The following HMCN1 variants were observed in gnomAD, a reference collection of about 807,000 sequenced individuals.
The protein encoded by HMCN1 is hemicentin-1.
Under a neutral mutation model 625.9 loss-of-function variants are expected in HMCN1, and 321 were observed. The observed-to-expected ratio is 0.51, with a 90% CI of 0.47 to 0.56. HMCN1 has a LOEUF of 0.56. Among genes scored for constraint, HMCN1 ranks in the 20% least tolerant of loss-of-function variants. HMCN1 has a pLI of 0.00. For missense variants in HMCN1, 6,588 were observed against 6,887.3 expected, an observed-to-expected ratio of 0.96 and a Z score of 1.54; for synonymous variants, 2,425 against 2,417.6, an observed-to-expected ratio of 1.00 and a Z score of -0.09.
At chr1:185,818,151 C>G (rs1659958646) in intron 1 of HMCN1, among the ~76,000 whole-genome samples, 1 of 152,076 alleles carries the variant, frequency 6.6e-6, no homozygotes, top group African/African-American at 2.4e-5. Context: ...ATATTTTTTT[C>G]ACTGCAACAT....
chr1:186,183,441 T>C (rs1653073552), intron 105 of HMCN1, among the ~76,000 whole-genome samples: 1 of 152,318 alleles, frequency 6.6e-6, no homozygotes, highest in East Asian at 1.9e-4. Context: ...AAACATGAAG[T>C]TGAGTAATAA....
chr1:186,123,895 G>T (rs988312223), intron 81 of HMCN1, among the ~76,000 whole-genome samples: 5 of 152,010 alleles, frequency 3.3e-5, no homozygotes, highest in Admixed American at 3.3e-4. Context: ...ATTTGTGAAA[G>T]CTGTTTTATT....
At chr1:185,844,642 T>C (rs2102315688) in intron 1 of HMCN1, among the ~76,000 whole-genome samples, 1 of 152,314 alleles carries the variant, frequency 6.6e-6, no homozygotes, top group South Asian at 2.1e-4. Context: ...TAGTTTCGAA[T>C]GAGTCTATAT....
At chr1:186,106,354 C>CT (rs1660606558) in intron 69 of HMCN1, among the ~76,000 whole-genome samples, 1 of 152,128 alleles carries the variant, frequency 6.6e-6, no homozygotes, top group African/African-American at 2.4e-5. Flanking sequence ...ATAGATCCTG[C>CT]TGTCAGTCTG....
intron 52 of HMCN1, 83 bp downstream of exon 52, chr1:186,070,840 A>G (rs1466246257): frequency 3.8e-6 from 5 of 1,315,360 alleles, no homozygotes; most frequent in East Asian, 2.3e-5. Flanking sequence ...AATAGACACA[A>G]GTGACTCAGA....
At position 186,136,905 on chromosome 1, in the gene HMCN1, C is replaced by T; in HGVS notation, c.13550C>T (p.Ser4517Phe). The change falls in exon 87 of 107, where the codon TCT becomes TTT. Residue 4517 changes from serine (S) to phenylalanine (F), a missense_variant. By Grantham distance (155) the Ser-to-Phe change is radical (BLOSUM62 -2). Transcript: ENST00000271588. ...FECVARNLMG[S>F]VLVRVPVIVQ... ...TGTGTTGCTCGAAACTTAATGGGTT[C>T]TGTCCTTGTCAGAGTGCCAGTCATA... 1 of 1,613,954 alleles carries T rather than the reference C, an allele frequency of 6.2e-7. No individual in the cohort carries two copies. The highest frequency in any genetic ancestry group is 8.5e-7 in the Non-Finnish European group (1 of 1,179,924).
At chr1:185,821,028 A>ATATATGTACATGTAATATATATATATC in intron 1 of HMCN1, among the ~76,000 whole-genome samples, 1 of 151,734 alleles carries the variant, frequency 6.6e-6, no homozygotes, top group Non-Finnish European at 1.5e-5. Context: ...TGTAATATAT[A>ATATATGTACATGTAATATATATATATC]TATATGTACA....
intron 80 of HMCN1, among the ~76,000 whole-genome samples, chr1:186,122,664 C>A (rs189414478): frequency 6.6e-6 from 1 of 152,240 alleles, no homozygotes; most frequent in Admixed American, 6.5e-5. Context: ...TTTGTTGATA[C>A]AGCTTAAATT....
intron 2 of HMCN1, among the ~76,000 whole-genome samples, chr1:185,848,875 C>T (rs986035765): frequency 6.6e-6 from 1 of 152,184 alleles, no homozygotes; most frequent in African/African-American, 2.4e-5. Flanking sequence ...TCTTTTGACA[C>T]CATCTGAGTC....
At position 186,001,304 on chromosome 1, in the gene HMCN1, C is replaced by T. The variant is rs1425406097; in HGVS notation, c.4076C>T (p.Pro1359Leu). 2.5e-6 allele frequency: 4 copies of T among 1,610,752 alleles called. No individual in the cohort carries two copies. Among genetic ancestry groups the T allele is most frequent in the African/African-American group, 1.3e-5 (1 of 74,766 alleles). Reference sequence around the variant, plus strand: ...GACTCCTCTCTTTTTGCAGTTCCTCCAGTAATTAAAGATAAAGAACAAGTT... The same window carrying T: ...GACTCCTCTCTTTTTGCAGTTCCTCTAGTAATTAAAGATAAAGAACAAGTT... Reference protein sequence around the residue: ...RKYNLKVHVPPVIKDKEQVTN... With the variant: ...RKYNLKVHVPLVIKDKEQVTN... The change falls in exon 27 of 107, where the codon CCA becomes CTA. Residue 1359 changes from proline to leucine, a missense_variant. By Grantham distance (98) the Pro-to-Leu change is moderately conservative (BLOSUM62 -3). This residue lies in a region of HMCN1 where 4,628 missense variants were observed against 4,853.1 expected (regional missense o/e 0.95). Coordinates refer to ENST00000271588, the MANE Select transcript of HMCN1 (RefSeq NM_031935.3).
rs1201912121 is a variant in HMCN1, at chr1:186,053,922, C to G, written c.6798C>G (p.Leu2266=). The G allele has an allele frequency of 1.2e-6, 2 of 1,612,726 alleles. No homozygotes were observed. The highest frequency in any genetic ancestry group is 1.1e-5 in the South Asian group (1 of 91,072). The change falls in exon 44 of 107, where the codon CTC becomes CTG. Residue 2266 remains leucine (L), a synonymous_variant. Coordinates refer to ENST00000271588, the MANE Select transcript of HMCN1 (RefSeq NM_031935.3). ...ISIAEKSDAA[L]YSCVASNVAG... is the part of the protein sequence containing the mutation. ...TTGCTGAAAAGTCTGATGCAGCACT[C>G]TATTCATGTGTGGCGTCGAATGTTG...
chr1:185,995,502 A>G (rs1033658075), intron 24 of HMCN1, among the ~76,000 whole-genome samples: 4 of 152,098 alleles, frequency 2.6e-5, no homozygotes, highest in Non-Finnish European at 5.9e-5. Flanking sequence ...TGAAGATTTA[A>G]AGATCAATGT....
In HMCN1 at chr1:186,018,350, A is replaced by C. The variant is rs1167289657; in HGVS notation, c.5468A>C (p.His1823Pro). 1.9e-6 allele frequency: 3 copies of C among 1,612,376 alleles called. No homozygotes were observed. The highest frequency in any genetic ancestry group is 2.5e-6 in the Non-Finnish European group (3 of 1,178,650). ...AAGAAGGAATTTGAAGTGACTGTTCATGGTATGCTGAAGAAGGGACAGGAA... is the reference window on the plus strand; with the variant it reads ...AAGAAGGAATTTGAAGTGACTGTTCCTGGTATGCTGAAGAAGGGACAGGAA... ...DHKKEFEVTV[H>P]VPPTIKSSGL... Residue 1823 changes from histidine (H) to proline (P), a missense_variant and splice_region_variant, in exon 34 of 107, where the codon CAT becomes CCT. This residue lies in a region of HMCN1 where 4,628 missense variants were observed against 4,853.1 expected (regional missense o/e 0.95). Transcript: ENST00000271588.
chr1:186,115,494 C>T lies in HMCN1; in HGVS notation c.11561+80C>T. On this transcript the variant is annotated intron_variant, in intron 75 of 106. Transcript: ENST00000271588. ...AACATTTTAATTCTATCAGTGGGGT[C>T]AGCAAATATATAGACTATAACAAAT... 5 of 1,303,492 alleles carry T rather than the reference C, an allele frequency of 3.8e-6. No individual in the cohort carries two copies. The South Asian group carries it at 6.1e-5, about 16-fold the overall frequency. The allele number at this position is 1,303,492 out of a possible 1,614,324, so 80.7% of individuals were successfully genotyped here.
At chr1:186,025,569 C>T (rs1310201296) in intron 36 of HMCN1, among the ~76,000 whole-genome samples, 1 of 152,130 alleles carries the variant, frequency 6.6e-6, no homozygotes, top group Non-Finnish European at 1.5e-5. Context: ...GACTGAAAAC[C>T]AGAGTCTGTG....
intron 11 of HMCN1, among the ~76,000 whole-genome samples, chr1:185,956,809 C>A (rs997891179): frequency 2.0e-5 from 3 of 152,190 alleles, no homozygotes; most frequent in Non-Finnish European, 2.9e-5. Flanking sequence ...CCTCTGGGGA[C>A]CCCCAGTCAC....
intron 1 of HMCN1, among the ~76,000 whole-genome samples, chr1:185,796,460 T>C (rs1422504287): frequency 6.6e-6 from 1 of 152,248 alleles, no homozygotes; most frequent in Non-Finnish European, 1.5e-5. Flanking sequence ...CAGTGTCTAT[T>C]ATTCCACTCC....
At chr1:186,076,910 A>G (rs1658850324) in intron 54 of HMCN1, among the ~76,000 whole-genome samples, 1 of 152,186 alleles carries the variant, frequency 6.6e-6, no homozygotes, top group Non-Finnish European at 1.5e-5. Context: ...TAGTGCAATA[A>G]GATAATCAGT....
rs1033530423 is a variant in HMCN1, at chr1:185,856,715, A to G, written c.340-7755A>G. Among the ~76,000 whole-genome samples the G allele has an allele frequency of 2.6e-5, 4 of 152,226 alleles. No individual in the cohort carries two copies. The South Asian group carries it at 8.3e-4, about 32-fold the overall frequency. On this transcript the variant is annotated intron_variant, in intron 2 of 106. Coordinates refer to ENST00000271588, the MANE Select transcript of HMCN1 (RefSeq NM_031935.3). ...TGCCAATAAGAATTATTTTGAACTTAGTCATGAGTCTATAAAAAAGTTTCA... is the reference window on the plus strand; with the variant it reads ...TGCCAATAAGAATTATTTTGAACTTGGTCATGAGTCTATAAAAAAGTTTCA...
Sources: gnomAD v4.1 joint callset for allele counts (sites outside exome capture counted in the v4.1 genomes callset) on GRCh38, gnomAD v4.1.1 for gene constraint, gnomAD v4.1.1 regional missense constraint, MANE v1.5 for transcripts, NCBI Gene and HGNC (gene_info 2026-07-23, HGNC 2026-07-21) for gene names.